The following CCND3 variants were observed in gnomAD, a reference collection of about 807,000 sequenced individuals.
CCND3 encodes G1/S-specific cyclin-D3.
A neutral mutation model predicts 28.7 loss-of-function variants in CCND3; 9 were observed. That is an observed-to-expected ratio of 0.31 (90% CI 0.19 to 0.55). CCND3 has a LOEUF of 0.55. CCND3 is among the 20% of genes least tolerant of loss of function. The probability of loss-of-function intolerance (pLI) is 0.93; values close to 1 mark genes in which losing one functional copy is unlikely to be tolerated. For synonymous variants in CCND3, 164 were observed against 163.9 expected (o/e 1.00, Z 0.00); for missense variants, 315 against 385.8 (o/e 0.82, Z 1.54).
intron 1 of CCND3, among the ~76,000 whole-genome samples, chr6:42,026,403 G>GA (rs1763878042): frequency 6.6e-6 from 1 of 152,078 alleles, no homozygotes; most frequent in Non-Finnish European, 1.5e-5. Flanking sequence ...AGGCGAAGGA[G>GA]AATCAGACCC....
chr6:41,951,950 C>T (rs777118073), intron 1 of CCND3, among the ~76,000 whole-genome samples: 8 of 151,870 alleles, frequency 5.3e-5, no homozygotes, highest in Non-Finnish European at 1.2e-4. Context: ...TTAGTAGAGA[C>T]GCGGTTTCAC....
intron 1 of CCND3, among the ~76,000 whole-genome samples, chr6:41,950,381 G>A (rs947092328): frequency 6.6e-6 from 1 of 152,136 alleles, no homozygotes; most frequent in Non-Finnish European, 1.5e-5. Flanking sequence ...CATTAAGTAA[G>A]TGAGCTCTGG....
chr6:42,039,920 G>A (rs1318892754), intron 1 of CCND3, among the ~76,000 whole-genome samples: 1 of 152,206 alleles, frequency 6.6e-6, no homozygotes. Flanking sequence ...GGCTTGCCCG[G>A]GGGGATTCGT....
chr6:42,049,917 T>A (rs1162680461), upstream of CCND3: 1 of 152,248 alleles, frequency 6.6e-6, no homozygotes, highest in Non-Finnish European at 1.5e-5. Context: ...CAGGTGTTAC[T>A]AATAATAAGA....
At chr6:41,963,460 T>C (rs1400471029) in intron 1 of CCND3, among the ~76,000 whole-genome samples, 1 of 152,222 alleles carries the variant, frequency 6.6e-6, no homozygotes, top group Non-Finnish European at 1.5e-5. Context: ...TGTGCTTTAT[T>C]GAAGCTGCCT....
intron 1 of CCND3, among the ~76,000 whole-genome samples, chr6:41,993,847 C>T (rs1018167510): frequency 3.4e-5 from 5 of 148,800 alleles, no homozygotes; most frequent in South Asian, 4.3e-4. Flanking sequence ...AGCTTGAACC[C>T]GGGAGGTGGA....
intron 1 of CCND3, among the ~76,000 whole-genome samples, chr6:42,012,400 C>T (rs968447864): frequency 1.3e-5 from 2 of 150,016 alleles, no homozygotes; most frequent in African/African-American, 2.5e-5. Context: ...CCAGCCTGGG[C>T]GAAAGAAGCT....
At chr6:42,006,635 G>A (rs1223268016) in intron 1 of CCND3, among the ~76,000 whole-genome samples, 2 of 152,206 alleles carry the variant, frequency 1.3e-5, no homozygotes, top group Non-Finnish European at 2.9e-5. Flanking sequence ...GCAGCCAGGC[G>A]CGGTGGCCCA....
At chr6:42,018,434 G>T (rs1763593693) in intron 1 of CCND3, 2 of 152,004 alleles carry the variant, frequency 1.3e-5, no homozygotes, top group Non-Finnish European at 2.9e-5. Flanking sequence ...TCACGAATTT[G>T]CATGTCATCC....
At chr6:41,987,507 CTCTCTCTCTCTGTG>C (rs1384765341) in intron 1 of CCND3, among the ~76,000 whole-genome samples, 1,734 of 62,972 alleles carry the variant, frequency 0.028, 20 homozygotes, top group African/African-American at 0.085. Context: ...CTCTCTCTCT[CTCTCTCTCTCTGTG>C]TGTGTGTGTG....
intron 1 of CCND3, among the ~76,000 whole-genome samples, chr6:42,044,380 C>A (rs923921383): frequency 6.6e-6 from 1 of 152,278 alleles, no homozygotes; most frequent in South Asian, 2.1e-4. Context: ...AGGTGACACA[C>A]GGGGCAACAG....
intron 1 of CCND3, among the ~76,000 whole-genome samples, chr6:41,989,768 C>G (rs2127415761): frequency 6.6e-6 from 1 of 152,308 alleles, no homozygotes; most frequent in East Asian, 1.9e-4. Flanking sequence ...GACAATTTAA[C>G]AGTTTCTTAT....
intron 1 of CCND3, among the ~76,000 whole-genome samples, chr6:42,027,886 T>C (rs191901315): frequency 6.6e-6 from 1 of 152,256 alleles, no homozygotes; most frequent in Admixed American, 6.5e-5. Context: ...TAGCTGGGAT[T>C]ACAGGCTCCT....
chr6:41,953,930 T>G (rs1392904003), intron 1 of CCND3, among the ~76,000 whole-genome samples: 1 of 151,524 alleles, frequency 6.6e-6, no homozygotes, highest in African/African-American at 2.4e-5. Context: ...TTTAAGAGTT[T>G]GAAAAAAAAA....
At chr6:41,992,827 C>T (rs1762695074) in intron 1 of CCND3, among the ~76,000 whole-genome samples, 1 of 151,928 alleles carries the variant, frequency 6.6e-6, no homozygotes, top group African/African-American at 2.4e-5. Flanking sequence ...TCACTGCAAT[C>T]TCGTCCTCCC....
intron 1 of CCND3, among the ~76,000 whole-genome samples, chr6:42,031,811 C>CTT (rs1561995900): frequency 7.2e-6 from 1 of 138,740 alleles, no homozygotes; most frequent in Admixed American, 7.8e-5. Context: ...TTGCAACTGA[C>CTT]TCTTTTTTTT....
At chr6:41,989,187 T>G (rs959395330) in intron 1 of CCND3, among the ~76,000 whole-genome samples, 1 of 151,928 alleles carries the variant, frequency 6.6e-6, no homozygotes, top group Non-Finnish European at 1.5e-5. Flanking sequence ...ACCTGGGCAC[T>G]GTGGCTCATG....
intron 1 of CCND3, among the ~76,000 whole-genome samples, chr6:41,993,015 C>G (rs910925027): frequency 4.6e-5 from 7 of 151,942 alleles, no homozygotes; most frequent in Non-Finnish European, 8.8e-5. Flanking sequence ...CTCAGGCAAT[C>G]CTCACACCTA....
At chr6:41,981,396 G>C (rs1259260043) in intron 1 of CCND3, among the ~76,000 whole-genome samples, 4 of 151,964 alleles carry the variant, frequency 2.6e-5, no homozygotes, top group African/African-American at 9.7e-5. Context: ...GTAGAGACAG[G>C]GTTTCACTAT....
Sources: gnomAD v4.1 joint callset for allele counts (sites outside exome capture counted in the v4.1 genomes callset) on GRCh38, gnomAD v4.1.1 for gene constraint, MANE v1.5 for transcripts, NCBI Gene and HGNC (gene_info 2026-07-23, HGNC 2026-07-21) for gene names.